The following DNAAF5 variants were observed in gnomAD, a reference collection of about 807,000 sequenced individuals.
DNAAF5 encodes the protein dynein axonemal assembly factor 5.
DNAAF5 carries 64 observed loss-of-function variants against 75.8 expected under a neutral mutation model. The ratio of observed to expected loss-of-function variants is 0.84; its 90% CI spans 0.69 to 1.04. The LOEUF is 1.04. Among genes scored for constraint, DNAAF5 ranks in the 50% least tolerant of loss-of-function variants. The pLI, the probability that DNAAF5 is intolerant of heterozygous loss-of-function variation, is 0.00. For missense variants in DNAAF5, 1,269 were observed against 1,178.5 expected (o/e 1.08, Z -1.12); for synonymous variants, 657 against 557.2 (o/e 1.18, Z -2.52).
chr7:751,310 G>C (rs571317742), intron 4 of DNAAF5, among the ~76,000 whole-genome samples: 1 of 152,174 alleles, frequency 6.6e-6, no homozygotes, highest in East Asian at 1.9e-4. Context: ...GTTAAAAATG[G>C]GGTGTCCTGG....
At chr7:775,208 C>G (rs772392379) in intron 11 of DNAAF5, 46 bp downstream of exon 11, 4 of 1,577,680 alleles carry the variant, frequency 2.5e-6, no homozygotes, top group Non-Finnish European at 3.5e-6. Flanking sequence ...GCAGTCAGCC[C>G]TCCGTGTCCC....
chr7:737,572 G>A (rs1211857606), intron 2 of DNAAF5, among the ~76,000 whole-genome samples: 1 of 152,170 alleles, frequency 6.6e-6, no homozygotes, highest in African/African-American at 2.4e-5. Context: ...TTTTCAGATT[G>A]AAGAACCCTC....
intron 11 of DNAAF5, among the ~76,000 whole-genome samples, chr7:776,565 C>T (rs1018360358): frequency 3.3e-5 from 5 of 152,176 alleles, no homozygotes; most frequent in South Asian, 2.1e-4. Context: ...GAGACGGGGC[C>T]GGGCCACCCT....
Position 761,823 on chromosome 7 carries a change from T to C in DNAAF5, c.1541T>C (p.Val514Ala), listed in dbSNP as rs1450856631. Residue 514 changes from valine (V) to alanine (A), a missense_variant, in exon 7 of 13, where the codon GTG becomes GCG. Val to Ala is a moderately conservative substitution (Grantham distance 64, BLOSUM62 0). Transcript: ENST00000297440. ...LVSVCHEDCG[V>A]ASLQLLDVLL... ...TCTGTGTGTCATGAGGACTGTGGCG[T>C]GGCCAGCCTGCAGCTCTTGGACGTG... 2 of 1,606,876 alleles carry C rather than the reference T, an allele frequency of 1.2e-6. No homozygotes were observed. Among genetic ancestry groups the C allele is most frequent in the South Asian group, 2.2e-5 (2 of 89,482 alleles).
At chr7:734,203 T>G (rs1280979535) in intron 2 of DNAAF5, among the ~76,000 whole-genome samples, 1 of 152,232 alleles carries the variant, frequency 6.6e-6, no homozygotes, top group Non-Finnish European at 1.5e-5. Flanking sequence ...GGCTTTCAAT[T>G]TTTCCCCATT....
At chr7:748,616 T>C (rs1017875074) in intron 4 of DNAAF5, among the ~76,000 whole-genome samples, 1 of 152,016 alleles carries the variant, frequency 6.6e-6, no homozygotes, top group African/African-American at 2.4e-5. Context: ...CCATCCCCCC[T>C]GCTCTGTTTC....
intron 6 of DNAAF5, 117 bp from the exon 7 acceptor site, chr7:761,636 C>T: frequency 9.1e-7 from 1 of 1,097,316 alleles, no homozygotes; most frequent in Non-Finnish European, 1.3e-6. Context: ...CAGTTCCCTC[C>T]CACAGGGTCC....
rs756504777 is a variant in DNAAF5, at chr7:740,823, G to A, written c.785G>A (p.Arg262Gln). The change falls in exon 3 of 13, where the codon CGG (arginine) becomes CAG (glutamine). Residue 262 changes from arginine (R) to glutamine (Q), a missense_variant. Physicochemically the swap from Arg to Gln is conservative, Grantham distance 43. Transcript: ENST00000297440. ...QRLFDDVPQVRRAVASVVGGW... is the reference protein window; with the variant it reads ...QRLFDDVPQVQRAVASVVGGW... Reference sequence around the variant, plus strand: ...ATCCCTTCCTCTCATGCGCAGGTCCGGCGGGCGGTGGCCTCCGTGGTGGGC... The same window carrying A: ...ATCCCTTCCTCTCATGCGCAGGTCCAGCGGGCGGTGGCCTCCGTGGTGGGC... 4.2e-5 allele frequency: 68 copies of A among 1,613,600 alleles called. No individual in the cohort carries two copies. Among genetic ancestry groups the A allele is most frequent in the African/African-American group, 5.3e-5 (4 of 74,940 alleles).
Position 726,933 on chromosome 7 carries a change from C to T in DNAAF5, c.213C>T (p.Gly71=), listed in dbSNP as rs957022559. The change falls in exon 1 of 13, where the codon GGC becomes GGT. Residue 71 remains glycine (G), a synonymous_variant. Coordinates refer to ENST00000297440, the MANE Select transcript of DNAAF5 (RefSeq NM_017802.4). ...CCGCCGACCCCACCGCTTTCCAGGG[C>T]CCCTGGGCGCGCCTACTGCTGCCGC... ...GPAADPTAFQ[G]PWARLLLPRL... is the part of the protein sequence containing the mutation. 1.1e-5 allele frequency: 15 copies of T among 1,342,270 alleles called. No individual in the cohort carries two copies. Among genetic ancestry groups the T allele is most frequent in the Non-Finnish European group, 1.4e-5 (15 of 1,043,772 alleles). The allele number at this position is 1,342,270 out of a possible 1,614,324, so 83.1% of individuals were successfully genotyped here. A position where few individuals can be genotyped will look rare whatever the true frequency, so the allele number is the denominator to read the frequency against.
At chr7:773,793 G>C (rs1375531463) in intron 9 of DNAAF5, among the ~76,000 whole-genome samples, 1 of 152,120 alleles carries the variant, frequency 6.6e-6, no homozygotes, top group East Asian at 1.9e-4. Context: ...CTCGCCTCTG[G>C]AGAACAGGAC....
chr7:761,983 C>G, intron 7 of DNAAF5, 87 bp downstream of exon 7: 1 of 190,794 alleles, frequency 5.2e-6, no homozygotes, highest in South Asian at 8.3e-5. Flanking sequence ...GTCTCCTATG[C>G]ATCCCCTCTG....
rs551596750 is a variant in DNAAF5 at position 745,663 on chromosome 7, TCA to T, written c.1024+4204_1024+4205del. Among the ~76,000 whole-genome samples, 241 of 151,208 alleles carry T rather than the reference TCA, an allele frequency of 1.6e-3. 1 individual carries two copies. Among genetic ancestry groups the T allele is most frequent in the African/African-American group, 4.3e-3 (179 of 41,364 alleles). On this transcript the variant is annotated intron_variant, in intron 4 of 12. Coordinates refer to ENST00000297440, the MANE Select transcript of DNAAF5 (RefSeq NM_017802.4). The stretch of plus-strand genomic sequence containing the variant: ...TCCTCACACACGTACACACTTATCC[TCA>T]CACACGTGTACACACATATACACAT...
intron 4 of DNAAF5, among the ~76,000 whole-genome samples, chr7:746,228 C>G (rs1048936693): frequency 1.1e-4 from 16 of 151,864 alleles, no homozygotes; most frequent in African/African-American, 3.9e-4. Flanking sequence ...TGCCACCCCC[C>G]GCCTGCCGTG....
At chr7:732,742 G>T (rs965064173) in intron 2 of DNAAF5, among the ~76,000 whole-genome samples, 1 of 152,088 alleles carries the variant, frequency 6.6e-6, no homozygotes, top group Non-Finnish European at 1.5e-5. Context: ...TCAGTCCCTT[G>T]TCAGATGGGT....
chr7:785,376 G>A, intron 12 of DNAAF5, 141 bp from the exon 13 acceptor site: 6 of 886,064 alleles, frequency 6.8e-6, no homozygotes, highest in Non-Finnish European at 9.0e-6. Flanking sequence ...TGTGACTACT[G>A]TATGTCCACC....
At chr7:729,868 A>G (rs1781509574) in intron 2 of DNAAF5, 21 bp downstream of exon 2, 1 of 1,612,890 alleles carries the variant, frequency 6.2e-7, no homozygotes, top group Non-Finnish European at 8.5e-7. Context: ...TTTCTCCTGG[A>G]CAGTCTGTTC....
chr7:729,561 G>C (rs550160591), intron 1 of DNAAF5, 102 bp from the exon 2 acceptor site: 18 of 1,090,096 alleles, frequency 1.7e-5, no homozygotes, highest in Admixed American at 2.3e-5. Flanking sequence ...GAGGAAGGGA[G>C]GTGAGGAACT....
In DNAAF5 at chr7:774,038, C is replaced by T; in HGVS notation, c.1932-10C>T. 2 of 1,614,130 alleles carry T rather than the reference C, an allele frequency of 1.2e-6. No individual in the cohort carries two copies. Among genetic ancestry groups the T allele is most frequent in the Non-Finnish European group, 1.7e-6 (2 of 1,180,010 alleles). ...GGTCTCCTCATCCACCCTCTCCGTT[C>T]CGGTTCCAGGCAGTTTCCCAGCTAC... On this transcript the variant is annotated splice_polypyrimidine_tract_variant and intron_variant, in intron 9 of 12. Coordinates refer to ENST00000297440, the MANE Select transcript of DNAAF5 (RefSeq NM_017802.4).
At chr7:752,700 C>G (rs1279439816) in intron 4 of DNAAF5, among the ~76,000 whole-genome samples, 1 of 152,242 alleles carries the variant, frequency 6.6e-6, no homozygotes, top group Non-Finnish European at 1.5e-5. Context: ...CAAAAGACCG[C>G]TCTGTAACAG....
Sources: allele counts gnomAD v4.1 joint callset (sites outside exome capture counted in the v4.1 genomes callset), GRCh38; gene constraint gnomAD v4.1.1; transcripts MANE v1.5; gene names NCBI Gene and HGNC (gene_info 2026-07-23, HGNC 2026-07-21).